Variants in CSNK1E observed in about 807,000 individuals in gnomAD.
CSNK1E encodes casein kinase I isoform epsilon.
CSNK1E carries 17 observed loss-of-function variants against 46.1 expected under a neutral mutation model. The ratio of observed to expected loss-of-function variants is 0.37; its 90% confidence interval spans 0.25 to 0.55. CSNK1E has a LOEUF of 0.55. CSNK1E is among the 20% of genes least tolerant of loss of function. The probability of loss-of-function intolerance (pLI) is 0.82; values close to 1 mark genes in which losing one functional copy is unlikely to be tolerated. For synonymous variants in CSNK1E, 241 were observed against 242.6 expected, an observed-to-expected ratio of 0.99 and a Z score of 0.06; for missense variants, 386 against 595.4, an observed-to-expected ratio of 0.65 and a Z score of 3.66.
intron 4 of CSNK1E, among the ~76,000 whole-genome samples, chr22:38,301,558 G>A (rs541947816): frequency 3.1e-4 from 47 of 152,040 alleles, no homozygotes; most frequent in African/African-American, 1.1e-3. Flanking sequence ...TCAGCCTCCC[G>A]AATAGCTGGG....
rs770165554 is a variant in CSNK1E, at chr22:38,314,152, C to T, written c.6G>A (p.Glu2=). The T allele has an allele frequency of 1.1e-5, 18 of 1,613,940 alleles. No homozygotes were observed. The highest frequency in any genetic ancestry group is 1.5e-5 in the Non-Finnish European group (18 of 1,179,940). ...GGCGGTACTTGTTCCCCACACGTAG[C>T]TCCATGGCTCACTCTTGCTGCAGAG... is the stretch of plus-strand genomic sequence containing the variant. M[E]LRVGNKYRLG... Residue 2 remains glutamate (E), a synonymous_variant, in exon 2 of 11, where the codon GAG becomes GAA. Coordinates refer to ENST00000396832, the MANE Select transcript of CSNK1E (RefSeq NM_152221.3).
chr22:38,313,205 C>CT (rs1253583829), intron 2 of CSNK1E, among the ~76,000 whole-genome samples: 3 of 152,176 alleles, frequency 2.0e-5, no homozygotes, highest in Non-Finnish European at 2.9e-5. Context: ...CTGGACAGAG[C>CT]TGATTTTCAT....
At position 38,294,533 on chromosome 22, in the gene CSNK1E, C is replaced by A; in HGVS notation, c.887G>T (p.Gly296Val). Residue 296 changes from glycine to valine, a missense_variant and splice_region_variant, in exon 8 of 11, where the codon GGT (glycine) becomes GTT (valine). Transcript: ENST00000396832. The surrounding 1 kb of genome is among the most constrained non-coding windows in gnomAD (Gnocchi z 5.5). The part of the protein sequence containing the change: ...YVFDWNMLKF[G>V]AARNPEDVDR... ...CACATCCTCGGGATTCCGGGCTGCA[C>A]CCTGCAGGGATGCAAGAAAAGACAC... 6.3e-7 allele frequency: 1 copy of A among 1,584,274 alleles called. No homozygotes were observed. Among genetic ancestry groups the A allele is most frequent in the Non-Finnish European group, 8.6e-7 (1 of 1,166,382 alleles).
chr22:38,304,424 A>G (rs1353494692), intron 2 of CSNK1E, among the ~76,000 whole-genome samples: 1 of 152,212 alleles, frequency 6.6e-6, no homozygotes, highest in Non-Finnish European at 1.5e-5. Context: ...GTGAGTTGGC[A>G]CAGCCCCTGT....
Position 38,290,934 on chromosome 22 carries a change from TA to T in CSNK1E, c.*1036del, listed in dbSNP as rs939607558. On this transcript the variant is annotated 3_prime_UTR_variant, in exon 11 of 11. Coordinates refer to ENST00000396832, the MANE Select transcript of CSNK1E (RefSeq NM_152221.3). The stretch of plus-strand genomic sequence containing the variant: ...CACACACGGAGAAAACAAACAAAAA[TA>T]AAATAAAATAAAAACAAAAAGGTGT... 3 of 137,484 alleles carry T rather than the reference TA, an allele frequency of 2.2e-5. No individual in the cohort carries two copies. The highest frequency in any genetic ancestry group is 4.8e-5 in the Non-Finnish European group (3 of 63,066). 8.5% of individuals were successfully genotyped at this position (137,484 alleles called of 1,614,324 possible).
chr22:38,297,857 C>T (rs1275374295), intron 7 of CSNK1E: 5 of 1,019,142 alleles, frequency 4.9e-6, no homozygotes, highest in East Asian at 1.1e-4. Context: ...GGCCTGGCCC[C>T]GATGGGCTCA....
At chr22:38,315,994 G>A (rs909521825) in intron 1 of CSNK1E, among the ~76,000 whole-genome samples, 15 of 151,994 alleles carry the variant, frequency 9.9e-5, no homozygotes, top group Admixed American at 9.2e-4. Flanking sequence ...CCCTGGGGGA[G>A]CCTAGACTGT....
chr22:38,307,554 C>CA (rs201638468), intron 2 of CSNK1E, among the ~76,000 whole-genome samples: 1,612 of 151,778 alleles, frequency 0.011, 12 homozygotes, highest in Middle Eastern at 0.037. Flanking sequence ...CGTCTCAAAA[C>CA]AAAAAAAAGT....
chr22:38,312,343 G>T (rs9610935), intron 2 of CSNK1E, among the ~76,000 whole-genome samples: 320 of 152,296 alleles, frequency 2.1e-3, no homozygotes, highest in Admixed American at 3.4e-3. Flanking sequence ...TGTCTGTCTT[G>T]GCTTCCCAAA....
chr22:38,296,766 A>T, intron 7 of CSNK1E: 1 of 1,525,044 alleles, frequency 6.6e-7, no homozygotes, highest in Middle Eastern at 1.8e-4. Flanking sequence ...TGATGTCCAC[A>T]GAACGTTCTG....
At chr22:38,292,066 A>C (rs1433303132) in intron 10 of CSNK1E, 128 bp from the exon 11 acceptor site, 4 of 150,548 alleles carry the variant, frequency 2.7e-5, no homozygotes, top group African/African-American at 9.8e-5. Flanking sequence ...GGCTCACTGC[A>C]ACCTCCACCT....
At chr22:38,314,804 CG>C (rs923951331) in intron 1 of CSNK1E, among the ~76,000 whole-genome samples, 9 of 152,284 alleles carry the variant, frequency 5.9e-5, no homozygotes, top group Admixed American at 1.3e-4. Context: ...CCGCCTGCCC[CG>C]GATGGGTGGG....
chr22:38,306,261 G>A (rs865914998), intron 2 of CSNK1E, among the ~76,000 whole-genome samples: 43 of 152,314 alleles, frequency 2.8e-4, no homozygotes, highest in African/African-American at 1.0e-3. Flanking sequence ...ACAGGGCTAA[G>A]TGGGTCAGGG....
intron 7 of CSNK1E, chr22:38,297,915 G>A (rs2092649372): frequency 9.0e-7 from 1 of 1,108,886 alleles, no homozygotes; most frequent in Non-Finnish European, 1.1e-6. Flanking sequence ...CCAGACCACA[G>A]GCCAGTAGTT....
In CSNK1E at chr22:38,299,994, A is replaced by G; in HGVS notation, c.637T>C (p.Trp213Arg). The G allele has an allele frequency of 6.2e-7, 1 of 1,614,164 alleles. No homozygotes were observed. Among genetic ancestry groups the G allele is most frequent in the East Asian group, 2.2e-5 (1 of 44,892 alleles). ...LMYFNLGSLP[W>R]QGLKAATKRQ... is the part of the protein sequence containing the mutation. ...TTGGTGGCTGCTTTGAGCCCCTGCC[A>G]GGGCAGGGAGCCCAGGTTGAAGTAC... The change falls in exon 6 of 11, where the codon TGG (tryptophan) becomes CGG (arginine). Residue 213 changes from tryptophan to arginine, a missense_variant. Physicochemically the swap from Trp to Arg is moderately radical, Grantham distance 101. Coordinates refer to ENST00000396832, the MANE Select transcript of CSNK1E (RefSeq NM_152221.3).
intron 2 of CSNK1E, among the ~76,000 whole-genome samples, chr22:38,313,371 T>C (rs896337497): frequency 6.6e-6 from 1 of 152,166 alleles, no homozygotes; most frequent in African/African-American, 2.4e-5. Context: ...ACTAAATACC[T>C]TCCCTTTGGA....
At chr22:38,314,020 T>C (rs895222606) in intron 2 of CSNK1E, 62 bp downstream of exon 2, 4 of 1,457,362 alleles carry the variant, frequency 2.7e-6, no homozygotes, top group East Asian at 2.3e-5. Flanking sequence ...TCCTGGGGTC[T>C]TTCCTCCTCT....
At chr22:38,305,923 C>T (rs540301222) in intron 2 of CSNK1E, among the ~76,000 whole-genome samples, 3 of 152,278 alleles carry the variant, frequency 2.0e-5, no homozygotes, top group Non-Finnish European at 4.4e-5. Context: ...GACATCCTAG[C>T]ACGGTGCAAA....
chr22:38,297,241 G>A (rs973713911), intron 7 of CSNK1E: 13 of 716,194 alleles, frequency 1.8e-5, no homozygotes, highest in Admixed American at 3.9e-5. Context: ...TGACTATCTC[G>A]ATAAGAAAGT....
Sources: allele counts gnomAD v4.1 joint callset (sites outside exome capture counted in the v4.1 genomes callset), GRCh38; gene constraint gnomAD v4.1.1; non-coding constraint Gnocchi (gnomAD v3.1); transcripts MANE v1.5; gene names NCBI Gene and HGNC (gene_info 2026-07-23, HGNC 2026-07-21).